The following LRRTM3 variants were observed in gnomAD, a reference collection of about 807,000 sequenced individuals.
The protein encoded by LRRTM3 is leucine-rich repeat transmembrane neuronal protein 3.
Under a neutral mutation model 44.7 loss-of-function variants are expected in LRRTM3, and 24 were observed. The ratio of observed to expected loss-of-function variants is 0.54; its 90% CI spans 0.39 to 0.76. LRRTM3 has a LOEUF of 0.76. LRRTM3 is among the 30% of genes least tolerant of loss of function. LRRTM3 has a pLI of 0.00. For synonymous variants in LRRTM3, 277 were observed against 278.7 expected (o/e 0.99, Z 0.06); for missense variants, 587 against 702.2 (o/e 0.84, Z 1.85).
At chr10:67,016,759 T>G (rs1852684468) in intron 2 of LRRTM3, among the ~76,000 whole-genome samples, 1 of 152,214 alleles carries the variant, frequency 6.6e-6, no homozygotes, top group South Asian at 2.1e-4. Context: ...ATCATTGCAG[T>G]TGTGAGGCTT....
chr10:66,926,375 G>A lies in LRRTM3; in HGVS notation c.-209G>A, dbSNP rs1193537327. On this transcript the variant is annotated 5_prime_UTR_variant, in exon 1 of 3. Coordinates refer to ENST00000361320, the MANE Select transcript of LRRTM3 (RefSeq NM_178011.5). ...GATTTTGATGTTTTGCTGCGAATGC[G>A]GTGTTGGGATTTATTTGTTCTTGGA... The A allele has an allele frequency of 1.5e-6, 1 of 653,688 alleles. No homozygotes were observed. The highest frequency in any genetic ancestry group is 2.8e-6 in the Non-Finnish European group (1 of 363,008). 40.5% of individuals were successfully genotyped at this position (653,688 alleles called of 1,614,324 possible).
chr10:67,097,047 A>C lies in LRRTM3; in HGVS notation c.1537-540A>C, dbSNP rs116855119. On this transcript the variant is annotated intron_variant, in intron 2 of 2. Coordinates refer to ENST00000361320, the MANE Select transcript of LRRTM3 (RefSeq NM_178011.5). ...GTGGTGTGTGGATTAATAGTCCAGCATCATATAGGAACTTGTAAGACATGT... is the reference window on the plus strand; with the variant it reads ...GTGGTGTGTGGATTAATAGTCCAGCCTCATATAGGAACTTGTAAGACATGT... Among the ~76,000 whole-genome samples, 203 of 152,010 alleles carry C rather than the reference A, an allele frequency of 1.3e-3. 3 individuals are homozygous for C. The East Asian group carries it at 0.037, about 28-fold the overall frequency.
intron 2 of LRRTM3, among the ~76,000 whole-genome samples, chr10:66,999,652 G>A (rs546043181): frequency 6.6e-6 from 1 of 152,152 alleles, no homozygotes; most frequent in South Asian, 2.1e-4. Context: ...ATCAGGGTTA[G>A]TTTGGGATGA....
At chr10:66,975,359 G>C (rs1385844338) in intron 2 of LRRTM3, among the ~76,000 whole-genome samples, 1 of 152,172 alleles carries the variant, frequency 6.6e-6, no homozygotes, top group Non-Finnish European at 1.5e-5. Context: ...AGATGCCTAA[G>C]CATTGTAGGT....
chr10:66,927,216 T>C lies in LRRTM3; in HGVS notation c.300T>C (p.Ile100=). 1 of 1,614,164 alleles carries C rather than the reference T, an allele frequency of 6.2e-7. No homozygotes were observed. Among genetic ancestry groups the C allele is most frequent in the Non-Finnish European group, 8.5e-7 (1 of 1,180,034 alleles). Residue 100 remains isoleucine (I), a synonymous_variant, in exon 2 of 3, where the codon ATT becomes ATC. Coordinates refer to ENST00000361320, the MANE Select transcript of LRRTM3 (RefSeq NM_178011.5). The surrounding 1 kb of genome is among the most constrained non-coding windows in gnomAD (Gnocchi z 4.7). The part of the protein sequence containing the change: ...LYLDHNHISN[I]DENAFNGIRR... ...TTGACCATAACCATATCAGCAATAT[T>C]GACGAAAATGCTTTTAATGGAATAC...
At chr10:66,977,160 C>T (rs976148323) in intron 2 of LRRTM3, among the ~76,000 whole-genome samples, 3 of 152,014 alleles carry the variant, frequency 2.0e-5, no homozygotes, top group Admixed American at 6.6e-5. Flanking sequence ...AAAGGTTGGC[C>T]GGGCACGGTG....
At position 66,926,528 on chromosome 10, in the gene LRRTM3, A is replaced by G. The variant is rs1217820521; in HGVS notation, c.-56A>G. On this transcript the variant is annotated 5_prime_UTR_variant, in exon 1 of 3. Transcript: ENST00000361320. ...TGCAGCTGACAGGGGCTGTCATGCA[A>G]CTGGCCCCTAAGCCAAAGCAAAAGA... 1 of 1,603,878 alleles carries G rather than the reference A, an allele frequency of 6.2e-7. No homozygotes were observed. Among genetic ancestry groups the G allele is most frequent in the African/African-American group, 1.3e-5 (1 of 74,542 alleles).
intron 2 of LRRTM3, among the ~76,000 whole-genome samples, chr10:67,018,272 T>C (rs192076220): frequency 6.6e-6 from 1 of 152,120 alleles, no homozygotes; most frequent in African/African-American, 2.4e-5. Context: ...CTACAGCAAA[T>C]GTCTATGTTT....
chr10:66,950,103 A>G (rs892037957), intron 2 of LRRTM3, among the ~76,000 whole-genome samples: 1 of 152,176 alleles, frequency 6.6e-6, no homozygotes, highest in Non-Finnish European at 1.5e-5. Flanking sequence ...TTCAGGGTCT[A>G]TCTCTAATTT....
chr10:66,997,969 A>G (rs1352222412), intron 2 of LRRTM3, among the ~76,000 whole-genome samples: 1 of 152,100 alleles, frequency 6.6e-6, no homozygotes, highest in African/African-American at 2.4e-5. Context: ...CTGCTTCATC[A>G]TTCATCACTT....
intron 2 of LRRTM3, among the ~76,000 whole-genome samples, chr10:67,037,742 A>T (rs1016204481): frequency 6.6e-6 from 1 of 152,190 alleles, no homozygotes; most frequent in African/African-American, 2.4e-5. Context: ...TGAGAGGAGG[A>T]GGAATCAAGA....
chr10:67,057,457 A>C (rs942733537), intron 2 of LRRTM3, among the ~76,000 whole-genome samples: 1 of 151,262 alleles, frequency 6.6e-6, no homozygotes, highest in African/African-American at 2.4e-5. Context: ...CTACCCTTCT[A>C]CTCTCTGCTT....
chr10:67,076,192 T>G (rs2131863623), intron 2 of LRRTM3, among the ~76,000 whole-genome samples: 1 of 152,346 alleles, frequency 6.6e-6, no homozygotes, highest in African/African-American at 2.4e-5. Context: ...GAGCTACAAT[T>G]TTTCCAGCAC....
chr10:67,017,644 T>C (rs1852737307), intron 2 of LRRTM3, among the ~76,000 whole-genome samples: 1 of 152,114 alleles, frequency 6.6e-6, no homozygotes, highest in Admixed American at 6.6e-5. Context: ...GAAGTGGAGG[T>C]ATTTGAAAAT....
At chr10:67,028,970 A>G (rs1853559753) in intron 2 of LRRTM3, among the ~76,000 whole-genome samples, 1 of 152,186 alleles carries the variant, frequency 6.6e-6, no homozygotes, top group Non-Finnish European at 1.5e-5. Context: ...GTGCCTCAAA[A>G]ATCAACAGCA....
chr10:67,082,698 T>A (rs913250940), intron 2 of LRRTM3, among the ~76,000 whole-genome samples: 18 of 152,158 alleles, frequency 1.2e-4, no homozygotes, highest in Admixed American at 1.2e-3. Flanking sequence ...CTCCTAAAGA[T>A]ACATCCTTTT....
At chr10:67,084,104 T>C (rs980909809) in intron 2 of LRRTM3, among the ~76,000 whole-genome samples, 1 of 152,066 alleles carries the variant, frequency 6.6e-6, no homozygotes, top group African/African-American at 2.4e-5. Flanking sequence ...ATATGATATA[T>C]TAAAACACCT....
intron 2 of LRRTM3, among the ~76,000 whole-genome samples, chr10:67,092,529 A>C (rs561487647): frequency 6.6e-6 from 1 of 152,114 alleles, no homozygotes; most frequent in African/African-American, 2.4e-5. Context: ...ATTCATATGA[A>C]TGTTCATATA....
intron 2 of LRRTM3, among the ~76,000 whole-genome samples, chr10:67,080,019 G>GCT (rs989113042): frequency 3.9e-5 from 6 of 151,980 alleles, no homozygotes; most frequent in African/African-American, 1.2e-4. Context: ...GTTTTGTTTT[G>GCT]TTTTCTCCAA....
Sources: allele counts gnomAD v4.1 joint callset (sites outside exome capture counted in the v4.1 genomes callset), GRCh38; gene constraint gnomAD v4.1.1; non-coding constraint Gnocchi (gnomAD v3.1); transcripts MANE v1.5; gene names NCBI Gene and HGNC (gene_info 2026-07-23, HGNC 2026-07-21).